Variants in GIT2 observed in about 807,000 individuals in gnomAD.
The protein encoded by GIT2 is ARF GTPase-activating protein GIT2.
A neutral mutation model predicts 100.3 loss-of-function variants in GIT2; 32 were observed. The ratio of observed to expected loss-of-function variants is 0.32; its 90% CI spans 0.24 to 0.43. GIT2 has a LOEUF of 0.43. Among genes scored for constraint, GIT2 ranks in the 20% least tolerant of loss-of-function variants. The pLI is 1.00. For missense variants in GIT2, 737 were observed against 975.1 expected, an observed-to-expected ratio of 0.76 and a Z score of 3.25; for synonymous variants, 353 against 364.1, an observed-to-expected ratio of 0.97 and a Z score of 0.35.
intron 18 of GIT2, among the ~76,000 whole-genome samples, chr12:109,937,386 A>ACAT (rs1873349944): frequency 6.6e-6 from 1 of 152,206 alleles, no homozygotes. Context: ...GCGTGAAGAA[A>ACAT]GTTCTTCACT....
rs1016110217 is a variant in GIT2 at position 109,962,891 on chromosome 12, C to T, written c.817-1206G>A. On this transcript the variant is annotated intron_variant, in intron 9 of 19. Coordinates refer to ENST00000355312, the MANE Select transcript of GIT2 (RefSeq NM_057169.5). This position sits in a 1 kb window ranked among gnomAD's most constrained non-coding sequence, Gnocchi z 4.3. ...GTGGCTCATGCCTATAATCCCAACACTTTGGGAGGCAGAGGCAGGAAGATC... is the reference window on the plus strand; with the variant it reads ...GTGGCTCATGCCTATAATCCCAACATTTTGGGAGGCAGAGGCAGGAAGATC... Among the ~76,000 whole-genome samples the T allele has an allele frequency of 1.3e-5, 2 of 152,210 alleles. No homozygotes were observed. Among genetic ancestry groups the T allele is most frequent in the Middle Eastern group, 3.4e-3 (1 of 294 alleles).
chr12:109,954,572 G>A (rs142072599), intron 12 of GIT2: 3 of 152,220 alleles, frequency 2.0e-5, no homozygotes, highest in Non-Finnish European at 4.4e-5. Flanking sequence ...ATGGATGGAT[G>A]ATATCTGGGT....
chr12:109,950,965 C>T (rs1877678247), intron 14 of GIT2: 1 of 601,768 alleles, frequency 1.7e-6, no homozygotes, highest in Admixed American at 2.8e-5. Flanking sequence ...TAGGTTTCTC[C>T]TACCTGGGGA....
At chr12:109,938,948 C>T in intron 17 of GIT2, 1 of 544,968 alleles carries the variant, frequency 1.8e-6, no homozygotes, top group Non-Finnish European at 3.3e-6. Context: ...CAGCTAGAGA[C>T]ACATAACATG....
In GIT2 at chr12:109,975,230, G is replaced by T. The variant is rs73419590; in HGVS notation, c.718+5722C>A. Among the ~76,000 whole-genome samples the T allele has an allele frequency of 3.1e-3, 473 of 152,172 alleles. 2 individuals carry two copies. The highest frequency in any genetic ancestry group is 0.011 in the African/African-American group (454 of 41,496). The stretch of plus-strand genomic sequence containing the variant: ...TTTTTTGTTTATTTCTTGAGGCAGG[G>T]TCTTGCTCTGTTGCCCAGGCTGGAG... On this transcript the variant is annotated intron_variant, in intron 7 of 19. Coordinates refer to ENST00000355312, the MANE Select transcript of GIT2 (RefSeq NM_057169.5).
rs1157622332 is a variant in GIT2, at chr12:109,962,660, A to C, written c.817-975T>G. Among the ~76,000 whole-genome samples, 2 of 152,212 alleles carry C rather than the reference A, an allele frequency of 1.3e-5. No homozygotes were observed. Among genetic ancestry groups the C allele is most frequent in the African/African-American group, 4.8e-5 (2 of 41,458 alleles). ...TCTCTCTGCACTTTCTGCCTCATGC[A>C]ACACCTTGACACGTGGTAGTTGTGA... On this transcript the variant is annotated intron_variant, in intron 9 of 19. Coordinates refer to ENST00000355312, the MANE Select transcript of GIT2 (RefSeq NM_057169.5). The surrounding 1 kb of genome is among the most constrained non-coding windows in gnomAD (Gnocchi z 4.3).
upstream of GIT2, chr12:109,999,921 C>T: frequency 1.5e-6 from 1 of 670,804 alleles, no homozygotes; most frequent in South Asian, 2.4e-5. The surrounding 1 kb of genome is among the most constrained non-coding windows in gnomAD (Gnocchi z 4.3). Context: ...GTGGGACAGT[C>T]CTAATAATAG....
chr12:109,946,063 G>C (rs898435480), intron 15 of GIT2, among the ~76,000 whole-genome samples: 1 of 152,048 alleles, frequency 6.6e-6, no homozygotes, highest in Non-Finnish European at 1.5e-5. Flanking sequence ...GAACCCAGGA[G>C]GTAAAGGTTG....
intron 18 of GIT2, among the ~76,000 whole-genome samples, chr12:109,935,606 T>G (rs1170250009): frequency 6.6e-6 from 1 of 152,252 alleles, no homozygotes; most frequent in Non-Finnish European, 1.5e-5. Flanking sequence ...TTCACCATGT[T>G]GGTCAGGCTG....
In GIT2 at chr12:109,948,601, C is replaced by T; in HGVS notation, c.1393-1097G>A. 1 of 1,407,326 alleles carries T rather than the reference C, an allele frequency of 7.1e-7. No homozygotes were observed. The highest frequency in any genetic ancestry group is 9.2e-7 in the Non-Finnish European group (1 of 1,088,458). The allele number at this position is 1,407,326 out of a possible 1,614,324, so 87.2% of individuals were successfully genotyped here. On this transcript the variant is annotated intron_variant, in intron 14 of 19. Transcript: ENST00000355312. The surrounding 1 kb of genome is among the most constrained non-coding windows in gnomAD (Gnocchi z 4.3). ...TCATCTTCCATGGACATTCTATAAG[C>T]TGGGTGTGGTGTGAGTTCAGCTGTC...
In GIT2 at chr12:109,962,143, A is replaced by G. The variant is rs1487510886; in HGVS notation, c.817-458T>C. Among the ~76,000 whole-genome samples, 1 of 152,182 alleles carries G rather than the reference A, an allele frequency of 6.6e-6. No individual in the cohort carries two copies. Among genetic ancestry groups the G allele is most frequent in the African/African-American group, 2.4e-5 (1 of 41,450 alleles). On this transcript the variant is annotated intron_variant, in intron 9 of 19. Coordinates refer to ENST00000355312, the MANE Select transcript of GIT2 (RefSeq NM_057169.5). The surrounding 1 kb of genome is among the most constrained non-coding windows in gnomAD (Gnocchi z 4.3). The stretch of plus-strand genomic sequence containing the variant: ...TGAGGCAGGTGGATTGCTTAAGCCC[A>G]GGAGTTCGAGACCAGCCTGGGCAAC...
intron 16 of GIT2, among the ~76,000 whole-genome samples, chr12:109,940,885 CAAAA>C: frequency 8.3e-6 from 1 of 121,152 alleles, no homozygotes; most frequent in African/African-American, 3.0e-5. Context: ...ACTCAAAAAA[CAAAA>C]CAAAACAAAA....
intron 13 of GIT2, 35 bp downstream of exon 13, chr12:109,953,056 CG>C: frequency 6.2e-7 from 1 of 1,609,004 alleles, no homozygotes; most frequent in Non-Finnish European, 8.5e-7. Flanking sequence ...TCAGCTGATG[CG>C]TGCTTGCCCT....
At position 109,981,065 on chromosome 12, in the gene GIT2, G is replaced by T. The variant is rs1886220782; in HGVS notation, c.624-19C>A. 1 of 1,523,624 alleles carries T rather than the reference G, an allele frequency of 6.6e-7. No homozygotes were observed. The highest frequency in any genetic ancestry group is 9.1e-7 in the Non-Finnish European group (1 of 1,097,286). 94.4% of individuals were successfully genotyped at this position (1,523,624 alleles called of 1,614,324 possible). ...TCCTTGCCTACCAAGAGAAAACAAA[G>T]TACCATTTATATTGCTCACTATTCA... On this transcript the variant is annotated intron_variant, in intron 6 of 19. Coordinates refer to ENST00000355312, the MANE Select transcript of GIT2 (RefSeq NM_057169.5).
rs555928070 is a variant in GIT2 at position 109,961,627 on chromosome 12, C to T, written c.875G>A (p.Arg292Gln). 3 of 1,603,486 alleles carry T rather than the reference C, an allele frequency of 1.9e-6. No homozygotes were observed. Among genetic ancestry groups the T allele is most frequent in the Admixed American group, 3.3e-5 (2 of 60,014 alleles). ...AMDVYDEVDRRETDAVWLATQ... is the reference protein window; with the variant it reads ...AMDVYDEVDRQETDAVWLATQ... ...CGTCAAGTCACCTGCATCCGTCTCT[C>T]GCCTGTCAACTTCATCGTACACATC... The change falls in exon 10 of 20, where the codon CGA becomes CAA. Residue 292 changes from arginine (R) to glutamine (Q), a missense_variant. Arg to Gln is a conservative substitution (Grantham distance 43, BLOSUM62 1). Around this residue, in one of 3 missense-constraint regions of GIT2, gnomAD observed 266 missense variants for 376.2 expected, o/e 0.71. Coordinates refer to ENST00000355312, the MANE Select transcript of GIT2 (RefSeq NM_057169.5).
At chr12:109,985,135 T>C (rs1479237951) in intron 4 of GIT2, among the ~76,000 whole-genome samples, 1 of 152,054 alleles carries the variant, frequency 6.6e-6, no homozygotes, top group Non-Finnish European at 1.5e-5. Flanking sequence ...ATTTTTTAAA[T>C]AGTTTTTTTG....
chr12:109,979,641 T>C (rs762356881), intron 7 of GIT2, among the ~76,000 whole-genome samples: 5 of 152,154 alleles, frequency 3.3e-5, no homozygotes, highest in Non-Finnish European at 7.4e-5. Context: ...CTATCAGAAG[T>C]AAGACAAACA....
At chr12:109,979,230 T>C (rs1885774507) in intron 7 of GIT2, among the ~76,000 whole-genome samples, 1 of 150,848 alleles carries the variant, frequency 6.6e-6, no homozygotes, top group Non-Finnish European at 1.5e-5. Context: ...TTCCTCTCTG[T>C]CCTGTAGAAG....
chr12:109,953,218 T>C lies in GIT2; in HGVS notation c.1116A>G (p.Ile372Met). The change falls in exon 13 of 20, where the codon ATA becomes ATG. Residue 372 changes from isoleucine (I) to methionine (M), a missense_variant. Transcript: ENST00000355312. ...LSGSKDNVELILKTINNQHSV... is the reference protein window; with the variant it reads ...LSGSKDNVELMLKTINNQHSV... Reference sequence around the variant, plus strand: ...TGTGCTGGTTATTGATGGTTTTCAGTATGAGCTCCACATTGTCTATCAATA... The same window carrying C: ...TGTGCTGGTTATTGATGGTTTTCAGCATGAGCTCCACATTGTCTATCAATA... The C allele has an allele frequency of 6.2e-7, 1 of 1,614,044 alleles. No individual in the cohort carries two copies. Among genetic ancestry groups the C allele is most frequent in the Non-Finnish European group, 8.5e-7 (1 of 1,179,866 alleles).
Sources: allele counts gnomAD v4.1 joint callset (sites outside exome capture counted in the v4.1 genomes callset), GRCh38; gene constraint gnomAD v4.1.1; regional missense constraint gnomAD v4.1.1; non-coding constraint Gnocchi (gnomAD v3.1); transcripts MANE v1.5; gene names NCBI Gene and HGNC (gene_info 2026-07-23, HGNC 2026-07-21).